The following CDH12 variants were observed in gnomAD, a reference collection of about 807,000 sequenced individuals.
CDH12 encodes cadherin 12.
A neutral mutation model predicts 74.1 loss-of-function variants in CDH12; 41 were observed. That is an observed-to-expected ratio of 0.55 (90% CI 0.43 to 0.72). The LOEUF (loss-of-function observed/expected upper bound fraction) is 0.72. Ranked by LOEUF, CDH12 falls within the 30% of genes least tolerant of loss-of-function variation. CDH12 has a pLI of 0.00. For synonymous variants in CDH12, 399 were observed against 355.0 expected, an observed-to-expected ratio of 1.12 and a Z score of -1.39; for missense variants, 945 against 977.2, an observed-to-expected ratio of 0.97 and a Z score of 0.44.
At chr5:22,075,390 A>T (rs1436009563) in intron 5 of CDH12, among the ~76,000 whole-genome samples, 1 of 151,900 alleles carries the variant, frequency 6.6e-6, no homozygotes, top group Non-Finnish European at 1.5e-5. Flanking sequence ...ACAGCACACC[A>T]ACATGGCACA....
At chr5:22,838,827 C>T (rs111439918) in intron 1 of CDH12, among the ~76,000 whole-genome samples, 7,614 of 151,944 alleles carry the variant, frequency 0.05, 272 homozygotes, top group Middle Eastern at 0.12. Context: ...TACAGGCACA[C>T]GCCACAATGC....
rs551919964 is a variant in CDH12, at chr5:21,860,069, A to G, written c.527-5279T>C. 7.9e-5 allele frequency among the ~76,000 whole-genome samples: 12 copies of G among 152,080 alleles called. No homozygotes were observed. The East Asian group carries it at 2.1e-3, about 27-fold the overall frequency. Reference sequence around the variant, plus strand: ...TTGCTGAAGAAAAAGGGAATACAGAATGGGTAGTAGAAGAAGGTCATCATC... The same window carrying G: ...TTGCTGAAGAAAAAGGGAATACAGAGTGGGTAGTAGAAGAAGGTCATCATC... On this transcript the variant is annotated intron_variant, in intron 6 of 14. Coordinates refer to ENST00000382254, the MANE Select transcript of CDH12 (RefSeq NM_004061.5).
chr5:22,099,419 T>C (rs1744003069), intron 4 of CDH12, among the ~76,000 whole-genome samples: 1 of 152,116 alleles, frequency 6.6e-6, no homozygotes, highest in South Asian at 2.1e-4. Flanking sequence ...GACTGGACAA[T>C]ACTTTTATCA....
intron 5 of CDH12, among the ~76,000 whole-genome samples, chr5:22,001,690 A>G (rs776561379): frequency 6.7e-6 from 1 of 148,296 alleles, no homozygotes; most frequent in Non-Finnish European, 1.5e-5. Flanking sequence ...CTTTGTATCC[A>G]CCTGTACTCA....
At chr5:21,798,304 A>G (rs1477955935) in intron 10 of CDH12, among the ~76,000 whole-genome samples, 3 of 151,762 alleles carry the variant, frequency 2.0e-5, no homozygotes, top group African/African-American at 7.3e-5. Context: ...CCTATAAACC[A>G]TATATGGTTT....
chr5:21,924,115 G>A (rs1452050174), intron 6 of CDH12, among the ~76,000 whole-genome samples: 1 of 152,066 alleles, frequency 6.6e-6, no homozygotes. Context: ...ACTCAAACTT[G>A]GAAATAGAAA....
chr5:22,661,316 A>G lies in CDH12; in HGVS notation c.-522-155952T>C, dbSNP rs1390197747. Among the ~76,000 whole-genome samples the G allele has an allele frequency of 2.6e-5, 4 of 152,094 alleles. No individual in the cohort carries two copies. The East Asian group carries it at 7.7e-4, about 29-fold the overall frequency. ...TTTATGATCTGGGTTGAATACAAGA[A>G]CCTCATTATCAGTGCCTAGCCCTTT... On this transcript the variant is annotated intron_variant, in intron 1 of 14. Transcript: ENST00000382254.
intron 7 of CDH12, among the ~76,000 whole-genome samples, chr5:21,846,092 A>T (rs1750151889): frequency 6.6e-6 from 1 of 152,128 alleles, no homozygotes; most frequent in African/African-American, 2.4e-5. Flanking sequence ...CCAGGTAGAG[A>T]ACCCATCTGC....
chr5:22,496,865 C>A (rs1417500373), intron 2 of CDH12, among the ~76,000 whole-genome samples: 1 of 152,186 alleles, frequency 6.6e-6, no homozygotes, highest in African/African-American at 2.4e-5. Context: ...CCCATGCCCC[C>A]GAGCCTAGTT....
intron 4 of CDH12, among the ~76,000 whole-genome samples, chr5:22,123,780 T>C (rs1745663279): frequency 6.6e-6 from 1 of 152,168 alleles, no homozygotes. Flanking sequence ...ATTTTAAAGA[T>C]GAGAACATAA....
intron 3 of CDH12, among the ~76,000 whole-genome samples, chr5:22,340,244 G>T (rs376011517): frequency 2.6e-5 from 4 of 152,082 alleles, no homozygotes; most frequent in African/African-American, 9.7e-5. Flanking sequence ...AAAAAATTCT[G>T]GGCTGGGTGC....
intron 1 of CDH12, among the ~76,000 whole-genome samples, chr5:22,845,189 T>A (rs1400081186): frequency 6.6e-6 from 1 of 152,124 alleles, no homozygotes; most frequent in Non-Finnish European, 1.5e-5. Flanking sequence ...GACACTCACA[T>A]TGTGTTTATT....
chr5:22,238,363 GAATTCAAATGGAT>G lies in CDH12; in HGVS notation c.-332-25733_-332-25721del, dbSNP rs540892677. The stretch of plus-strand genomic sequence containing the variant: ...TCTATCTTTTTTCAGTGCTTGATAA[GAATTCAAATGGAT>G]AATTCAAATGGATAAGAACTCAAAT... On this transcript the variant is annotated intron_variant, in intron 3 of 14. Transcript: ENST00000382254. 4.2e-3 allele frequency among the ~76,000 whole-genome samples: 646 copies of G among 152,226 alleles called. 6 individuals are homozygous for G. The highest frequency in any genetic ancestry group is 0.015 in the African/African-American group (619 of 41,518).
At chr5:22,129,834 A>C (rs938256810) in intron 4 of CDH12, among the ~76,000 whole-genome samples, 1 of 152,100 alleles carries the variant, frequency 6.6e-6, no homozygotes, top group Non-Finnish European at 1.5e-5. Context: ...GGGCATAATT[A>C]TAATCACTAA....
At chr5:22,787,171 T>A (rs529087019) in intron 1 of CDH12, among the ~76,000 whole-genome samples, 3 of 152,016 alleles carry the variant, frequency 2.0e-5, no homozygotes, top group East Asian at 1.9e-4. Flanking sequence ...CCACAGCCAA[T>A]TCTTATCTTG....
intron 4 of CDH12, among the ~76,000 whole-genome samples, chr5:22,123,621 T>C (rs1745653257): frequency 6.6e-6 from 1 of 152,178 alleles, no homozygotes; most frequent in African/African-American, 2.4e-5. Context: ...GGCATACAGA[T>C]GATTGATTTT....
intron 3 of CDH12, chr5:22,213,453 T>C (rs1317466668): frequency 6.6e-6 from 1 of 152,158 alleles, no homozygotes; most frequent in South Asian, 2.1e-4. Flanking sequence ...TCTCTTTGAT[T>C]ATCTGTTGAA....
chr5:21,868,309 A>G (rs1212893242), intron 6 of CDH12, among the ~76,000 whole-genome samples: 1 of 152,114 alleles, frequency 6.6e-6, no homozygotes, highest in Non-Finnish European at 1.5e-5. Context: ...GCAGTGTAAA[A>G]CAGACCGATA....
chr5:22,083,733 G>A (rs771916318), intron 4 of CDH12, among the ~76,000 whole-genome samples: 4 of 152,074 alleles, frequency 2.6e-5, no homozygotes, highest in Non-Finnish European at 5.9e-5. Context: ...GCTTGAATCT[G>A]GGCAGTCTGA....
Sources: allele counts gnomAD v4.1 joint callset (sites outside exome capture counted in the v4.1 genomes callset), GRCh38; gene constraint gnomAD v4.1.1; transcripts MANE v1.5; gene names NCBI Gene and HGNC (gene_info 2026-07-23, HGNC 2026-07-21).